XKR6: variants seen among roughly 807,000 people sequenced by gnomAD.
The protein encoded by XKR6 is XK-related protein 6.
A neutral mutation model predicts 56.7 loss-of-function variants in XKR6; 22 were observed. The ratio of observed to expected loss-of-function variants is 0.39; its 90% confidence interval spans 0.28 to 0.55. XKR6 has a LOEUF of 0.55. Among genes scored for constraint, XKR6 ranks in the 20% least tolerant of loss-of-function variants. The pLI, the probability that XKR6 is intolerant of heterozygous loss-of-function variation, is 0.66. For synonymous variants in XKR6, 524 were observed against 387.8 expected, an observed-to-expected ratio of 1.35 and a Z score of -4.13; for missense variants, 852 against 889.0, an observed-to-expected ratio of 0.96 and a Z score of 0.53.
chr8:11,139,091 T>C (rs1313714526), intron 1 of XKR6, among the ~76,000 whole-genome samples: 2 of 152,214 alleles, frequency 1.3e-5, no homozygotes, highest in Non-Finnish European at 2.9e-5. Context: ...AATAAAACCA[T>C]TAACCTTTAA....
intron 1 of XKR6, among the ~76,000 whole-genome samples, chr8:11,154,891 G>C (rs754421358): frequency 1.3e-5 from 2 of 152,070 alleles, no homozygotes; most frequent in Admixed American, 6.5e-5. Context: ...ATTCTTAAGG[G>C]ACTCAAATTT....
chr8:10,979,782 G>A (rs1451950480), intron 1 of XKR6, among the ~76,000 whole-genome samples: 2 of 152,214 alleles, frequency 1.3e-5, no homozygotes, highest in African/African-American at 4.8e-5. Flanking sequence ...TCAGCTCTGA[G>A]TGAGGACCCT....
intron 1 of XKR6, among the ~76,000 whole-genome samples, chr8:10,946,371 C>T (rs530537262): frequency 4.5e-4 from 69 of 152,254 alleles, no homozygotes; most frequent in Admixed American, 1.4e-3. Context: ...GAGCAGGCCG[C>T]AGAGCCCACC....
intron 1 of XKR6, chr8:11,194,841 C>T: frequency 2.5e-6 from 1 of 396,834 alleles, no homozygotes; most frequent in Non-Finnish European, 4.5e-6. Flanking sequence ...TTCAGGAGCA[C>T]CAGCCTTCTT....
intron 1 of XKR6, among the ~76,000 whole-genome samples, chr8:10,941,587 C>T (rs1215017396): frequency 6.6e-6 from 1 of 152,240 alleles, no homozygotes; most frequent in Non-Finnish European, 1.5e-5. Flanking sequence ...TCCCCAGCCC[C>T]TACCAGAGGC....
intron 1 of XKR6, among the ~76,000 whole-genome samples, chr8:10,933,126 T>C (rs896857812): frequency 2.0e-5 from 3 of 149,892 alleles, no homozygotes; most frequent in Non-Finnish European, 4.5e-5. Context: ...GTGGTTTTGA[T>C]TTGCATTTCT....
intron 1 of XKR6, among the ~76,000 whole-genome samples, chr8:11,150,830 G>T (rs902172023): frequency 4.7e-4 from 66 of 140,558 alleles, no homozygotes; most frequent in Admixed American, 1.5e-3. Flanking sequence ...TCCAGCCTGG[G>T]TGACAGAGCA....
chr8:11,042,451 T>C (rs1178768222), intron 1 of XKR6, among the ~76,000 whole-genome samples: 1 of 152,126 alleles, frequency 6.6e-6, no homozygotes, highest in Non-Finnish European at 1.5e-5. Context: ...CTGATGGTTT[T>C]ATAAAGGGCA....
chr8:10,964,551 G>T (rs990674866), intron 1 of XKR6, among the ~76,000 whole-genome samples: 2 of 152,272 alleles, frequency 1.3e-5, no homozygotes, highest in South Asian at 2.1e-4. Context: ...AGCGAAAATG[G>T]CATCTCAACC....
chr8:11,093,100 G>C (rs1195968206), intron 1 of XKR6, among the ~76,000 whole-genome samples: 1 of 151,688 alleles, frequency 6.6e-6, no homozygotes, highest in Non-Finnish European at 1.5e-5. Flanking sequence ...TTGTCAATCA[G>C]GCTGGAGTGC....
chr8:11,095,829 G>C (rs543554302), intron 1 of XKR6, among the ~76,000 whole-genome samples: 2 of 152,278 alleles, frequency 1.3e-5, no homozygotes, highest in South Asian at 2.1e-4. Context: ...GTTAAGACTA[G>C]ACCACATTTA....
chr8:11,115,099 G>C (rs1251576962), intron 1 of XKR6, among the ~76,000 whole-genome samples: 1 of 152,056 alleles, frequency 6.6e-6, no homozygotes, highest in Non-Finnish European at 1.5e-5. Context: ...GAGGTAGGAG[G>C]GCAGTATGTA....
intron 1 of XKR6, among the ~76,000 whole-genome samples, chr8:11,142,555 C>T (rs139322347): frequency 1.1e-4 from 17 of 152,224 alleles, no homozygotes; most frequent in African/African-American, 3.6e-4. Flanking sequence ...TGAGTTATTG[C>T]TCTGAGTTCA....
intron 1 of XKR6, among the ~76,000 whole-genome samples, chr8:11,036,417 CAA>C (rs1249067175): frequency 6.6e-6 from 1 of 152,180 alleles, no homozygotes; most frequent in East Asian, 1.9e-4. Context: ...CTTCTCTGGT[CAA>C]AGAGTTTCCA....
intron 1 of XKR6, among the ~76,000 whole-genome samples, chr8:10,941,828 G>A (rs1302322366): frequency 1.3e-5 from 2 of 152,170 alleles, no homozygotes; most frequent in African/African-American, 4.8e-5. Context: ...CTCACAAAGG[G>A]AGCCCTGGAG....
chr8:11,181,359 C>G (rs1359109125), intron 1 of XKR6, among the ~76,000 whole-genome samples: 1 of 152,156 alleles, frequency 6.6e-6, no homozygotes, highest in Non-Finnish European at 1.5e-5. Flanking sequence ...TTTAGACAGA[C>G]TGTATTTCAG....
At chr8:10,941,153 C>T (rs181326586) in intron 1 of XKR6, among the ~76,000 whole-genome samples, 3 of 152,156 alleles carry the variant, frequency 2.0e-5, no homozygotes, top group Non-Finnish European at 4.4e-5. Flanking sequence ...GTCCAACAGG[C>T]TCCTTCTACC....
At chr8:10,995,970 C>A (rs535386586) in intron 1 of XKR6, among the ~76,000 whole-genome samples, 1 of 152,242 alleles carries the variant, frequency 6.6e-6, no homozygotes, top group African/African-American at 2.4e-5. Context: ...TCTTGTTGGG[C>A]CTCCATTTCC....
intron 2 of XKR6, among the ~76,000 whole-genome samples, chr8:10,903,645 T>C (rs975712788): frequency 6.6e-6 from 1 of 151,914 alleles, no homozygotes; most frequent in African/African-American, 2.4e-5. Flanking sequence ...TGTGACTGGG[T>C]CCTTCTAAGG....
Sources: gnomAD v4.1 joint callset for allele counts (sites outside exome capture counted in the v4.1 genomes callset) on GRCh38, gnomAD v4.1.1 for gene constraint, MANE v1.5 for transcripts, NCBI Gene and HGNC (gene_info 2026-07-23, HGNC 2026-07-21) for gene names.